Variants in CEBPZOS observed in about 807,000 individuals in gnomAD.
CEBPZOS encodes the protein protein CEBPZOS.
CEBPZOS carries 10 observed loss-of-function variants against 4.8 expected under a neutral mutation model. The ratio of observed to expected loss-of-function variants is 2.07; its 90% CI spans 1.28 to 3.52. The LOEUF is 3.52. CEBPZOS is among the 30% of genes most tolerant of loss of function. CEBPZOS has a pLI of 0.00. For missense variants in CEBPZOS, 98 were observed against 43.6 expected (o/e 2.25, Z -3.51); for synonymous variants, 25 against 14.2 (o/e 1.77, Z -1.72).
At chr2:37,204,984 C>T (rs1284119901), downstream of CEBPZOS, among the ~76,000 whole-genome samples, 1 of 152,154 alleles carries the variant, frequency 6.6e-6, no homozygotes, top group East Asian at 1.9e-4. Context: ...CAACACTTTT[C>T]TGTGGGATGC....
intron 4 of CEBPZOS, chr2:37,212,264 T>G (rs1051075390): frequency 5.2e-6 from 7 of 1,342,950 alleles, no homozygotes; most frequent in Non-Finnish European, 7.5e-6. Context: ...AGTTCTGTGG[T>G]CTACTGTTCT....
intron 1 of CEBPZOS, among the ~76,000 whole-genome samples, chr2:37,199,144 T>C (rs1382203758): frequency 6.7e-6 from 1 of 150,142 alleles, no homozygotes; most frequent in Non-Finnish European, 1.5e-5. Flanking sequence ...GTATATGTTG[T>C]ATTAATAGTT....
chr2:37,212,681 TGTC>T (rs1193641754), intron 4 of CEBPZOS: 6 of 430,438 alleles, frequency 1.4e-5, no homozygotes, highest in African/African-American at 4.0e-5. Flanking sequence ...ATTTAGCAAT[TGTC>T]GTCCTTTTTA....
intron 1 of CEBPZOS, among the ~76,000 whole-genome samples, chr2:37,196,931 G>T (rs911743962): frequency 3.9e-5 from 6 of 152,194 alleles, no homozygotes; most frequent in Non-Finnish European, 5.9e-5. Flanking sequence ...TGGGAGAGAC[G>T]TTGCTGCTTG....
downstream of CEBPZOS, among the ~76,000 whole-genome samples, chr2:37,208,578 G>C (rs533701385): frequency 9.2e-5 from 14 of 152,142 alleles, no homozygotes; most frequent in African/African-American, 3.4e-4. Context: ...AAAAGCATTT[G>C]ACAAAATCAA....
rs746674018 is a variant in CEBPZOS at position 37,202,922 on chromosome 2, G to T, written c.*1062G>T. ...AACTAAAAATAATGTAGAATAGCTA[G>T]CTTGTTAAAACAGTACATTAGCCTT... is the stretch of plus-strand genomic sequence containing the variant. On this transcript the variant is annotated 3_prime_UTR_variant, in exon 5 of 5. Coordinates refer to ENST00000402297, the MANE Select transcript of CEBPZOS (RefSeq NM_001322374.2). 5 of 1,592,716 alleles carry T rather than the reference G, an allele frequency of 3.1e-6. No individual in the cohort carries two copies. The East Asian group carries it at 1.1e-4, about 36-fold the overall frequency.
downstream of CEBPZOS, chr2:37,213,913 A>G (rs147292017): frequency 1.3e-6 from 2 of 1,596,454 alleles, no homozygotes; most frequent in Non-Finnish European, 1.7e-6. Flanking sequence ...TACTTTCTTC[A>G]TCTGCATCCC....
In CEBPZOS at chr2:37,202,088, C is replaced by A. The variant is rs984357939; in HGVS notation, c.*228C>A. On this transcript the variant is annotated 3_prime_UTR_variant, in exon 5 of 5. Transcript: ENST00000402297. The stretch of plus-strand genomic sequence containing the variant: ...TATTTATTGTCAAAGATAAATGTTT[C>A]AAAAAGAAATGACTAAGGAAGGAAA... 5.8e-5 allele frequency: 22 copies of A among 380,424 alleles called. No individual in the cohort carries two copies. Among genetic ancestry groups the A allele is most frequent in the African/African-American group, 3.8e-4 (18 of 47,594 alleles). 23.6% of individuals were successfully genotyped at this position (380,424 alleles called of 1,614,324 possible).
At chr2:37,199,251 TGAA>T (rs1264198951) in intron 1 of CEBPZOS, among the ~76,000 whole-genome samples, 8 of 152,178 alleles carry the variant, frequency 5.3e-5, no homozygotes, top group Non-Finnish European at 8.8e-5. Context: ...TATTAATAAA[TGAA>T]GAACTCCAGC....
At chr2:37,215,972 C>G, downstream of CEBPZOS, 1 of 455,690 alleles carries the variant, frequency 2.2e-6, no homozygotes, top group Non-Finnish European at 3.7e-6. Context: ...AAAAAAAGGC[C>G]CAGTCAGATA....
chr2:37,203,049 T>C lies in CEBPZOS; in HGVS notation c.*1189T>C. On this transcript the variant is annotated 3_prime_UTR_variant, in exon 5 of 5. Transcript: ENST00000402297. ...AGTCTACATTATTCAATTATAAATC[T>C]AATGATTTTAGAAAAATGCAATGCA... The C allele has an allele frequency of 7.6e-7, 1 of 1,323,636 alleles. No individual in the cohort carries two copies. Among genetic ancestry groups the C allele is most frequent in the East Asian group, 2.5e-5 (1 of 40,810 alleles). The allele number at this position is 1,323,636 out of a possible 1,614,324, so 82.0% of individuals were successfully genotyped here.
At chr2:37,199,082 G>T (rs1037883144) in intron 1 of CEBPZOS, among the ~76,000 whole-genome samples, 40 of 152,140 alleles carry the variant, frequency 2.6e-4, no homozygotes, top group Non-Finnish European at 1.5e-5. Context: ...TGAGCCCAGT[G>T]AGCTGAGATT....
intron 4 of CEBPZOS, chr2:37,210,881 G>T: frequency 1.9e-6 from 1 of 534,682 alleles, no homozygotes. Flanking sequence ...TTCTTAAAAA[G>T]AACCCCCCCC....
chr2:37,212,606 C>T, intron 4 of CEBPZOS: 2 of 538,370 alleles, frequency 3.7e-6, no homozygotes, highest in Non-Finnish European at 6.5e-6. Flanking sequence ...AAAGAAGGAT[C>T]CAGTTAATTT....
rs534354645 is a variant in CEBPZOS, at chr2:37,199,977, T to C, written c.115+158T>C. On this transcript the variant is annotated intron_variant, in intron 2 of 4. Transcript: ENST00000402297. Reference sequence around the variant, plus strand: ...AGAACAGGAATCAAAGTATTCATTATTGTGGACTAGATCACTCTCACTTCT... The same window carrying C: ...AGAACAGGAATCAAAGTATTCATTACTGTGGACTAGATCACTCTCACTTCT... Among the ~76,000 whole-genome samples the C allele has an allele frequency of 1.1e-3, 164 of 152,322 alleles. 1 individual carries two copies. Among genetic ancestry groups the C allele is most frequent in the African/African-American group, 3.8e-3 (158 of 41,576 alleles).
At chr2:37,208,061 A>G (rs953030470), downstream of CEBPZOS, among the ~76,000 whole-genome samples, 7 of 152,174 alleles carry the variant, frequency 4.6e-5, no homozygotes, top group Admixed American at 4.6e-4. Flanking sequence ...AAAAATGGAT[A>G]AATTCCTGGA....
At chr2:37,198,619 C>T (rs1677064315) in intron 1 of CEBPZOS, 1 of 152,154 alleles carries the variant, frequency 6.6e-6, no homozygotes, top group South Asian at 2.1e-4. Flanking sequence ...CTCTTCTGGA[C>T]TTTGAGGTTA....
intron 2 of CEBPZOS, among the ~76,000 whole-genome samples, chr2:37,200,648 C>T (rs1029888465): frequency 7.8e-6 from 1 of 128,172 alleles, no homozygotes; most frequent in Non-Finnish European, 1.6e-5. Context: ...CATAACAAGA[C>T]ACTGTATCTT....
At chr2:37,205,928 G>C (rs2148338909), downstream of CEBPZOS, among the ~76,000 whole-genome samples, 3 of 152,308 alleles carry the variant, frequency 2.0e-5, no homozygotes, top group Middle Eastern at 0.01. Context: ...TATTGCAAGG[G>C]TCAAATGGCA....
Sources: allele counts gnomAD v4.1 joint callset (sites outside exome capture counted in the v4.1 genomes callset), GRCh38; gene constraint gnomAD v4.1.1; transcripts MANE v1.5; gene names NCBI Gene and HGNC (gene_info 2026-07-23, HGNC 2026-07-21).